Variants in EDN2 observed in about 807,000 individuals in gnomAD.
EDN2 encodes endothelin-2.
Under a neutral mutation model 19.9 loss-of-function variants are expected in EDN2, and 10 were observed. The ratio of observed to expected loss-of-function variants is 0.50; its 90% CI spans 0.31 to 0.85. The LOEUF is 0.85. EDN2 is among the 40% of genes least tolerant of loss of function. EDN2 has a pLI of 0.05. For missense variants in EDN2, 222 were observed against 239.3 expected, an observed-to-expected ratio of 0.93 and a Z score of 0.48; for synonymous variants, 84 against 94.9, an observed-to-expected ratio of 0.89 and a Z score of 0.67.
intron 3 of EDN2, among the ~76,000 whole-genome samples, 177 bp from the exon 4 acceptor site, chr1:41,481,370 G>C (rs545213397): frequency 6.6e-6 from 1 of 152,284 alleles, no homozygotes; most frequent in African/African-American, 2.4e-5. Flanking sequence ...GGGGACTGAG[G>C]AAAACTGAGC....
At position 41,479,332 on chromosome 1, in the gene EDN2, A is replaced by G. The variant is rs1299617915; in HGVS notation, c.*77T>C. The G allele has an allele frequency of 2.4e-6, 3 of 1,244,990 alleles. No homozygotes were observed. In the African/African-American group the frequency reaches 4.5e-5, roughly 19 times the overall value. The allele number at this position is 1,244,990 out of a possible 1,614,324, so 77.1% of individuals were successfully genotyped here. On this transcript the variant is annotated 3_prime_UTR_variant, in exon 5 of 5. Coordinates refer to ENST00000372587, the MANE Select transcript of EDN2 (RefSeq NM_001956.5). Reference sequence around the variant, plus strand: ...GCCCCGGTCCAGGAAGCAGGCAGAGAGTCCACAAGCCCTGGCCACTTCTCT... The same window carrying G: ...GCCCCGGTCCAGGAAGCAGGCAGAGGGTCCACAAGCCCTGGCCACTTCTCT...
At chr1:41,483,420 C>G (rs904955511) in intron 2 of EDN2, among the ~76,000 whole-genome samples, 2 of 152,254 alleles carry the variant, frequency 1.3e-5, no homozygotes, top group African/African-American at 4.8e-5. Context: ...CACAAACACA[C>G]ACAGAAACTT....
At chr1:41,479,912 C>G (rs1266107571) in intron 4 of EDN2, among the ~76,000 whole-genome samples, 3 of 152,202 alleles carry the variant, frequency 2.0e-5, no homozygotes, top group African/African-American at 7.2e-5. Flanking sequence ...TCTTCGAGGT[C>G]CAGTTCAAGG....
chr1:41,483,296 C>T (rs982993481), intron 2 of EDN2, among the ~76,000 whole-genome samples: 12 of 152,214 alleles, frequency 7.9e-5, no homozygotes, highest in Non-Finnish European at 1.3e-4. Flanking sequence ...AGACTCAGCA[C>T]GCAGGGACTG....
At chr1:41,483,873 T>A (rs931012423) in intron 2 of EDN2, 174 bp downstream of exon 2, 10 of 678,344 alleles carry the variant, frequency 1.5e-5, no homozygotes, top group Non-Finnish European at 2.2e-5. Context: ...TCTCTATGGC[T>A]CAGGTGGTCC....
chr1:41,480,745 A>G (rs1226682488), intron 4 of EDN2: 1 of 494,056 alleles, frequency 2.0e-6, no homozygotes, highest in Admixed American at 2.3e-5. Context: ...GCAGAGAGGG[A>G]GCAGGCTGGG....
At chr1:41,479,872 C>T (rs1193390329) in intron 4 of EDN2, among the ~76,000 whole-genome samples, 1 of 152,192 alleles carries the variant, frequency 6.6e-6, no homozygotes, top group Non-Finnish European at 1.5e-5. Context: ...TTCCCCTCAC[C>T]CAGAAGCCAC....
At chr1:41,480,672 G>A (rs1480778528) in intron 4 of EDN2, 1 of 460,362 alleles carries the variant, frequency 2.2e-6, no homozygotes, top group Non-Finnish European at 4.4e-6. Flanking sequence ...GCATTCGTGG[G>A]CACCTCCTGG....
intron 2 of EDN2, chr1:41,483,803 T>C (rs987947905): frequency 1.8e-5 from 8 of 444,818 alleles, no homozygotes; most frequent in African/African-American, 1.6e-4. Context: ...CACTTGAATC[T>C]GGAAAACGGG....
intron 2 of EDN2, among the ~76,000 whole-genome samples, chr1:41,483,408 A>G (rs1316593682): frequency 2.6e-5 from 4 of 152,372 alleles, no homozygotes; most frequent in Middle Eastern, 3.4e-3. Flanking sequence ...AGGGGAAAAA[A>G]TCACAAACAC....
At chr1:41,480,306 C>A (rs551354180) in intron 4 of EDN2, among the ~76,000 whole-genome samples, 3 of 152,310 alleles carry the variant, frequency 2.0e-5, no homozygotes, top group East Asian at 3.9e-4. Context: ...AAGGGCTGAG[C>A]TGGGCCCTGG....
chr1:41,482,419 C>A, intron 3 of EDN2, 47 bp downstream of exon 3: 1 of 1,533,144 alleles, frequency 6.5e-7, no homozygotes, highest in African/African-American at 1.4e-5. Flanking sequence ...AGGGCATGCC[C>A]GGGCTTGCAG....
In EDN2 at chr1:41,484,636, G is replaced by A. The variant is rs371403557; in HGVS notation, c.-35C>T. On this transcript the variant is annotated 5_prime_UTR_variant, in exon 1 of 5. Transcript: ENST00000372587. ...GGAGCGCGCAGGCTGGACTGGAGCA[G>A]GGAGTGCCTGTTGCCAGCGTCCTGC... 3.9e-5 allele frequency: 60 copies of A among 1,551,140 alleles called. No individual in the cohort carries two copies. The highest frequency in any genetic ancestry group is 4.3e-5 in the Non-Finnish European group (49 of 1,146,948).
chr1:41,480,957 G>A (rs1644242133), intron 4 of EDN2, 138 bp downstream of exon 4: 6 of 713,098 alleles, frequency 8.4e-6, no homozygotes, highest in Non-Finnish European at 1.2e-5. Context: ...GTGACTTTGG[G>A]CAAGTGGCTT....
intron 4 of EDN2, 196 bp downstream of exon 4, chr1:41,480,899 G>T: frequency 1.5e-6 from 1 of 661,016 alleles, no homozygotes; most frequent in Non-Finnish European, 2.8e-6. Flanking sequence ...AGAGCACAGT[G>T]GGTAAGAGCA....
In EDN2 at chr1:41,484,574, A is replaced by G. The variant is rs1174446794; in HGVS notation, c.28T>C (p.Ser10Pro). 6.4e-7 allele frequency: 1 copy of G among 1,559,742 alleles called. No individual in the cohort carries two copies. Among genetic ancestry groups the G allele is most frequent in the South Asian group, 1.2e-5 (1 of 84,430 alleles). ...GCCACGAGCAGGGCTAGCGCAACGG[A>G]GCACCAGGTGGTAGGCACGGAGACC... is the stretch of plus-strand genomic sequence containing the variant. MVSVPTTWC[S>P]VALALLVALH... Residue 10 changes from serine (S) to proline (P), a missense_variant, in exon 1 of 5, where the codon TCC (serine) becomes CCC (proline). By Grantham distance (74) the Ser-to-Pro change is moderately conservative (BLOSUM62 -1). Coordinates refer to ENST00000372587, the MANE Select transcript of EDN2 (RefSeq NM_001956.5).
chr1:41,483,572 TG>T (rs539373746), intron 2 of EDN2, among the ~76,000 whole-genome samples: 1 of 152,006 alleles, frequency 6.6e-6, no homozygotes, highest in African/African-American at 2.4e-5. Context: ...ATGGGGAGGA[TG>T]GGGGGGCTCC....
rs539379984 is a variant in EDN2, at chr1:41,483,708, C to T, written c.221+339G>A. 3.7e-5 allele frequency: 8 copies of T among 215,966 alleles called. No homozygotes were observed. The South Asian group carries it at 4.0e-4, about 11-fold the overall frequency. 13.4% of individuals were successfully genotyped at this position (215,966 alleles called of 1,614,324 possible). A position where few individuals can be genotyped will look rare whatever the true frequency, so the allele number is the denominator to read the frequency against. On this transcript the variant is annotated intron_variant, in intron 2 of 4. Transcript: ENST00000372587. ...GCAGCATGACAGAGACTGTGAGCTC[C>T]GGCATTCCCCAACCGAGGATGGTGC... is the stretch of plus-strand genomic sequence containing the variant.
At chr1:41,484,380 A>C (rs1205569019) in intron 1 of EDN2, among the ~76,000 whole-genome samples, 158 bp downstream of exon 1, 1 of 152,108 alleles carries the variant, frequency 6.6e-6, no homozygotes, top group Non-Finnish European at 1.5e-5. Flanking sequence ...GAGCCTGGGC[A>C]CCTCTGTATT....
Sources: allele counts gnomAD v4.1 joint callset (sites outside exome capture counted in the v4.1 genomes callset), GRCh38; gene constraint gnomAD v4.1.1; transcripts MANE v1.5; gene names NCBI Gene and HGNC (gene_info 2026-07-23, HGNC 2026-07-21).